The following CFAP299 variants were observed in gnomAD, a reference collection of about 807,000 sequenced individuals.
CFAP299 encodes the protein cilia and flagella associated protein 299.
A neutral mutation model predicts 27.0 loss-of-function variants in CFAP299; 21 were observed. The ratio of observed to expected loss-of-function variants is 0.78; its 90% CI spans 0.55 to 1.12. CFAP299 has a LOEUF of 1.12. Ranked by LOEUF, CFAP299 falls within the 50% of genes most tolerant of loss-of-function variation. CFAP299 has a pLI of 0.00. For missense variants in CFAP299, 310 were observed against 276.6 expected (o/e 1.12, Z -0.86); for synonymous variants, 104 against 98.1 (o/e 1.06, Z -0.36).
intron 3 of CFAP299, among the ~76,000 whole-genome samples, chr4:80,618,759 G>C (rs1272413546): frequency 6.6e-6 from 1 of 151,958 alleles, no homozygotes; most frequent in Non-Finnish European, 1.5e-5. Flanking sequence ...TTCCTTCCCA[G>C]TCCAATTGAG....
At chr4:80,693,485 G>T (rs1720879075) in intron 3 of CFAP299, among the ~76,000 whole-genome samples, 1 of 145,590 alleles carries the variant, frequency 6.9e-6, no homozygotes, top group African/African-American at 2.5e-5. Flanking sequence ...CTCATAGGTG[G>T]GAACTGAACA....
intron 3 of CFAP299, among the ~76,000 whole-genome samples, chr4:80,604,598 C>T (rs1467151292): frequency 1.3e-5 from 2 of 152,180 alleles, no homozygotes; most frequent in South Asian, 4.1e-4. Flanking sequence ...GCAGTGAATA[C>T]ATGAGGTGCC....
intron 4 of CFAP299, chr4:80,870,949 C>A: frequency 1.1e-6 from 1 of 907,750 alleles, no homozygotes; most frequent in Non-Finnish European, 1.3e-6. Context: ...CTCTGTCGCC[C>A]AGGCTGGAGT....
intron 4 of CFAP299, among the ~76,000 whole-genome samples, chr4:80,875,276 T>C (rs184030969): frequency 1.8e-4 from 27 of 152,338 alleles, no homozygotes; most frequent in African/African-American, 6.0e-4. Context: ...TTATTTGGCC[T>C]GCACAATTGT....
At chr4:80,603,203 C>T (rs1407653501) in intron 3 of CFAP299, among the ~76,000 whole-genome samples, 1 of 152,186 alleles carries the variant, frequency 6.6e-6, no homozygotes, top group South Asian at 2.1e-4. Flanking sequence ...ACTATGTTAG[C>T]ATATTTTACA....
At chr4:80,585,833 T>A (rs1736408169) in intron 3 of CFAP299, among the ~76,000 whole-genome samples, 1 of 152,130 alleles carries the variant, frequency 6.6e-6, no homozygotes, top group Admixed American at 6.6e-5. Context: ...AAGCCTGGGA[T>A]AAATAAATGA....
At chr4:80,606,811 CTAAAT>C (rs1303915752) in intron 3 of CFAP299, among the ~76,000 whole-genome samples, 4 of 145,836 alleles carry the variant, frequency 2.7e-5, no homozygotes, top group African/African-American at 1.1e-4. Context: ...AATCTACACT[CTAAAT>C]TATATGCTTT....
intron 3 of CFAP299, among the ~76,000 whole-genome samples, chr4:80,672,521 A>T (rs983199803): frequency 2.0e-5 from 3 of 152,160 alleles, no homozygotes; most frequent in African/African-American, 7.2e-5. Flanking sequence ...GGCCTCATAA[A>T]ATGAGTTAGG....
the CFAP299 span, among the ~76,000 whole-genome samples, chr4:80,324,355 C>T: frequency 1.3e-5 from 2 of 152,172 alleles, no homozygotes; most frequent in Non-Finnish European, 2.9e-5. Context: ...CCTCTAAAAG[C>T]ACTCTGCAAT....
intron 3 of CFAP299, among the ~76,000 whole-genome samples, chr4:80,623,132 G>A (rs1038365367): frequency 1.3e-5 from 2 of 152,058 alleles, no homozygotes; most frequent in African/African-American, 4.8e-5. Flanking sequence ...AGGGTAAGTA[G>A]AAACAACTCA....
Position 80,458,562 on chromosome 4 carries a change from A to G in CFAP299, c.242+95678A>G, listed in dbSNP as rs566041997. 5.3e-5 allele frequency among the ~76,000 whole-genome samples: 8 copies of G among 152,306 alleles called. No individual in the cohort carries two copies. In the South Asian group the frequency reaches 1.7e-3, roughly 32 times the overall value. ...TATTTATAAGATGGTTGTTTAAGAC[A>G]AGAGCTCTCTAAAACATTTTCTTTT... On this transcript the variant is annotated intron_variant, in intron 2 of 5. Coordinates refer to ENST00000358105, the MANE Select transcript of CFAP299 (RefSeq NM_152770.3).
At chr4:80,919,616 T>A (rs929853780) in intron 4 of CFAP299, among the ~76,000 whole-genome samples, 12 of 152,188 alleles carry the variant, frequency 7.9e-5, no homozygotes, top group African/African-American at 2.9e-4. Flanking sequence ...AAATTCAATA[T>A]GTTTGGATCA....
At chr4:80,957,751 C>G (rs1394290946) in intron 5 of CFAP299, among the ~76,000 whole-genome samples, 1 of 151,858 alleles carries the variant, frequency 6.6e-6, no homozygotes, top group Admixed American at 6.6e-5. Flanking sequence ...ATCAAGATAC[C>G]CACTGTTTGA....
chr4:80,371,298 G>T (rs1724138835), intron 2 of CFAP299, among the ~76,000 whole-genome samples: 1 of 152,194 alleles, frequency 6.6e-6, no homozygotes. Flanking sequence ...CCAGGCCTGT[G>T]ATGGGAGGGG....
At chr4:80,365,366 T>C (rs1388828694) in intron 2 of CFAP299, among the ~76,000 whole-genome samples, 1 of 152,202 alleles carries the variant, frequency 6.6e-6, no homozygotes, top group Non-Finnish European at 1.5e-5. Flanking sequence ...CTTTTTCTTA[T>C]ATGTTTGTTG....
At chr4:80,963,463 A>G (rs1738448230) in intron 5 of CFAP299, 54 bp from the exon 6 acceptor site, 1 of 1,291,198 alleles carries the variant, frequency 7.7e-7, no homozygotes, top group Admixed American at 2.4e-5. Context: ...AAAATTTTAA[A>G]AAAGGCCAAG....
chr4:80,440,970 A>G (rs1728330279), intron 2 of CFAP299, among the ~76,000 whole-genome samples: 1 of 152,206 alleles, frequency 6.6e-6, no homozygotes, highest in African/African-American at 2.4e-5. Flanking sequence ...GAGATGGAAG[A>G]TCAAATGAAA....
chr4:80,385,950 A>T (rs1455878027), intron 2 of CFAP299, among the ~76,000 whole-genome samples: 1 of 152,184 alleles, frequency 6.6e-6, no homozygotes, highest in Non-Finnish European at 1.5e-5. Context: ...CTGCCCGGAA[A>T]CCGTGGGCGG....
chr4:80,641,918 G>T (rs1739745766), intron 3 of CFAP299, among the ~76,000 whole-genome samples: 1 of 152,172 alleles, frequency 6.6e-6, no homozygotes, highest in East Asian at 1.9e-4. Flanking sequence ...GGGTCATTCT[G>T]GGTAAAGATA....
Sources: allele counts gnomAD v4.1 joint callset (sites outside exome capture counted in the v4.1 genomes callset), GRCh38; gene constraint gnomAD v4.1.1; transcripts MANE v1.5; gene names NCBI Gene and HGNC (gene_info 2026-07-23, HGNC 2026-07-21).